SERGEF: variants seen among roughly 807,000 people sequenced by gnomAD.
SERGEF encodes the protein secretion regulating guanine nucleotide exchange factor, also known as secretion-regulating guanine nucleotide exchange factor.
SERGEF carries 51 observed loss-of-function variants against 50.0 expected under a neutral mutation model. That is an observed-to-expected ratio of 1.02 (90% CI 0.81 to 1.29). SERGEF has a LOEUF of 1.29. Among genes scored for constraint, SERGEF ranks in the 50% most tolerant of loss-of-function variants. The pLI is 0.00. For synonymous variants in SERGEF, 205 were observed against 212.4 expected (o/e 0.97, Z 0.30); for missense variants, 521 against 557.0 (o/e 0.94, Z 0.65).
At chr11:17,932,792 T>C (rs1852380578) in intron 9 of SERGEF, among the ~76,000 whole-genome samples, 1 of 152,188 alleles carries the variant, frequency 6.6e-6, no homozygotes, top group East Asian at 1.9e-4. Context: ...CAGAGCAACT[T>C]CAAGCTGGGT....
At chr11:17,938,678 T>C (rs1389880888) in intron 9 of SERGEF, among the ~76,000 whole-genome samples, 2 of 152,210 alleles carry the variant, frequency 1.3e-5, no homozygotes, top group Non-Finnish European at 2.9e-5. Context: ...ATGAAGTTCA[T>C]ACTTGTAGTT....
At chr11:17,837,304 A>G (rs534567800) in intron 10 of SERGEF, among the ~76,000 whole-genome samples, 1 of 152,190 alleles carries the variant, frequency 6.6e-6, no homozygotes, top group African/African-American at 2.4e-5. Context: ...ATTGAAAGCC[A>G]AATGAATGAG....
chr11:17,897,162 A>G (rs939425771), intron 9 of SERGEF, among the ~76,000 whole-genome samples: 2 of 152,222 alleles, frequency 1.3e-5, no homozygotes, highest in African/African-American at 4.8e-5. Context: ...GTGGTGCTAC[A>G]TAAAAGAACT....
intron 9 of SERGEF, among the ~76,000 whole-genome samples, chr11:17,958,759 G>C (rs940652328): frequency 2.6e-5 from 4 of 152,160 alleles, no homozygotes; most frequent in African/African-American, 9.7e-5. Flanking sequence ...TTTTCAAGCT[G>C]TTGTGCACAC....
chr11:17,946,563 G>C (rs2133960370), intron 9 of SERGEF, among the ~76,000 whole-genome samples: 1 of 152,280 alleles, frequency 6.6e-6, no homozygotes, highest in East Asian at 1.9e-4. Flanking sequence ...AAATTATGCA[G>C]CTTTACAAAA....
At chr11:17,817,267 T>C (rs558725020) in intron 10 of SERGEF, among the ~76,000 whole-genome samples, 2 of 151,138 alleles carry the variant, frequency 1.3e-5, no homozygotes, top group Admixed American at 1.3e-4. Flanking sequence ...GGCTGGAGAA[T>C]GCAGTGGCGC....
intron 10 of SERGEF, among the ~76,000 whole-genome samples, chr11:17,837,798 T>C (rs1850429188): frequency 6.6e-6 from 1 of 151,480 alleles, no homozygotes; most frequent in African/African-American, 2.4e-5. Flanking sequence ...GTATCTGGGA[T>C]CACAGGTGTG....
chr11:17,838,109 C>A (rs1295658802), intron 10 of SERGEF, among the ~76,000 whole-genome samples: 1 of 152,130 alleles, frequency 6.6e-6, no homozygotes. Context: ...TCATGAAGCA[C>A]AACATAACAA....
chr11:18,013,047 C>T lies in SERGEF; in HGVS notation c.-37G>A. On this transcript the variant is annotated 5_prime_UTR_variant, in exon 1 of 11. Transcript: ENST00000265965. This position sits in a 1 kb window ranked among gnomAD's most constrained non-coding sequence, Gnocchi z 4.3. ...CCGCCGGCGCTTCCGGGAGGGACGG[C>T]ACGGGGGCGGCGCCTGCCGGGGGTA... 3 of 1,328,070 alleles carry T rather than the reference C, an allele frequency of 2.3e-6. No individual in the cohort carries two copies. The highest frequency in any genetic ancestry group is 2.9e-6 in the Non-Finnish European group (3 of 1,046,152). The allele number at this position is 1,328,070 out of a possible 1,614,324, so 82.3% of individuals were successfully genotyped here.
chr11:17,852,894 C>T (rs972552795), intron 10 of SERGEF, among the ~76,000 whole-genome samples: 12 of 152,136 alleles, frequency 7.9e-5, no homozygotes, highest in African/African-American at 2.7e-4. Flanking sequence ...TTCCCATAAG[C>T]CACTCACCCA....
At chr11:17,842,700 G>C (rs3781948) in intron 10 of SERGEF, among the ~76,000 whole-genome samples, 97,848 of 152,012 alleles carry the variant, frequency 0.64, 31,799 homozygotes, top group East Asian at 0.85. Context: ...TCAAAGGACT[G>C]AAGCACAGTA....
chr11:17,906,373 T>G (rs1224593143), intron 9 of SERGEF, among the ~76,000 whole-genome samples: 2 of 152,262 alleles, frequency 1.3e-5, no homozygotes, highest in Non-Finnish European at 2.9e-5. Flanking sequence ...AACCAGTCTC[T>G]GTCTTTTTTA....
At chr11:17,988,876 T>G in intron 7 of SERGEF, 121 bp from the exon 8 acceptor site, 1 of 930,478 alleles carries the variant, frequency 1.1e-6, no homozygotes, top group Non-Finnish European at 1.6e-6. Context: ...GACTACAAGG[T>G]TGAGTGGAGC....
intron 1 of SERGEF, chr11:18,010,138 A>C: frequency 8.1e-7 from 1 of 1,241,992 alleles, no homozygotes; most frequent in Non-Finnish European, 1.1e-6. Flanking sequence ...TTTTGAAGAC[A>C]CCTGAATGAG....
intron 4 of SERGEF, chr11:18,000,760 A>G (rs112797534): frequency 2.4e-6 from 1 of 417,470 alleles, no homozygotes; most frequent in African/African-American, 2.0e-5. Context: ...ATACCATATC[A>G]CAATACCATA....
In SERGEF at chr11:17,988,622, T is replaced by A. The variant is rs202008139; in HGVS notation, c.819A>T (p.Gly273=). 3 of 1,614,128 alleles carry A rather than the reference T, an allele frequency of 1.9e-6. No individual in the cohort carries two copies. ...QNEKVTAIWS[G]WTHLVAQTET... ...CTGTCTGAGCAACCAGGTGTGTCCA[T>A]CCACTCCAGATGGCAGTGACCTTTT... Residue 273 remains glycine, a synonymous_variant, in exon 8 of 11, where the codon GGA becomes GGT. Transcript: ENST00000265965.
intron 9 of SERGEF, among the ~76,000 whole-genome samples, chr11:17,932,626 A>T (rs1852376677): frequency 6.6e-6 from 1 of 152,174 alleles, no homozygotes; most frequent in Admixed American, 6.5e-5. Context: ...AAAGGAGGTA[A>T]TGAAGGAATA....
chr11:17,798,553 C>T (rs556411313), intron 10 of SERGEF, among the ~76,000 whole-genome samples: 1 of 152,374 alleles, frequency 6.6e-6, no homozygotes, highest in East Asian at 1.9e-4. Flanking sequence ...CGTGCTGTGG[C>T]ACGTTGGCTC....
At chr11:18,012,387 C>G (rs1854214597) in intron 1 of SERGEF, 2 of 633,454 alleles carry the variant, frequency 3.2e-6, no homozygotes, top group Non-Finnish European at 2.0e-6. Flanking sequence ...CCAATGCTCC[C>G]GTCAAACCAA....
Sources: gnomAD v4.1 joint callset for allele counts (sites outside exome capture counted in the v4.1 genomes callset) on GRCh38, gnomAD v4.1.1 for gene constraint, Gnocchi (gnomAD v3.1) non-coding constraint, MANE v1.5 for transcripts, NCBI Gene and HGNC (gene_info 2026-07-23, HGNC 2026-07-21) for gene names.